The following PLA2G2C variants were observed in gnomAD, a reference collection of about 807,000 sequenced individuals.
The protein encoded by PLA2G2C is putative inactive group IIC secretory phospholipase A2.
In PLA2G2C, 15 loss-of-function variants were observed where a neutral mutation model predicts 14.3. The observed-to-expected ratio is 1.05, with a 90% CI of 0.70 to 1.62. The LOEUF (loss-of-function observed/expected upper bound fraction) is 1.62. Among genes scored for constraint, PLA2G2C ranks in the 40% most tolerant of loss-of-function variants. The probability of loss-of-function intolerance (pLI) is 0.00; values close to 1 mark genes in which losing one functional copy is unlikely to be tolerated. For synonymous variants in PLA2G2C, 79 were observed against 67.7 expected (o/e 1.17, Z -0.82); for missense variants, 162 against 173.2 (o/e 0.94, Z 0.36).
chr1:20,168,843 T>C (rs1449031559), intron 4 of PLA2G2C, among the ~76,000 whole-genome samples: 2 of 152,198 alleles, frequency 1.3e-5, no homozygotes, highest in Non-Finnish European at 2.9e-5. Context: ...AGTACTTATG[T>C]AAGCCCACTC....
intron 1 of PLA2G2C, among the ~76,000 whole-genome samples, chr1:20,182,159 G>A (rs954105631): frequency 1.3e-5 from 2 of 152,140 alleles, no homozygotes; most frequent in Admixed American, 6.5e-5. Flanking sequence ...CCAACAATAC[G>A]GGGAAAATAA....
At chr1:20,165,745 T>G (rs150322929) in intron 4 of PLA2G2C, among the ~76,000 whole-genome samples, 1 of 151,960 alleles carries the variant, frequency 6.6e-6, no homozygotes. Context: ...TGTGCAGGTA[T>G]GTGTCCATGT....
chr1:20,165,681 TGTGTGCATGC>T lies in PLA2G2C; in HGVS notation c.284-1534_284-1525del, dbSNP rs1379350286. On this transcript the variant is annotated intron_variant, in intron 4 of 4. Transcript: ENST00000679259. The stretch of plus-strand genomic sequence containing the variant: ...GTGTGCATGCACATGTGTGTGCATG[TGTGTGCATGC>T]GCGTGTGTGCATGCGTGTGCCTGTG... Among the ~76,000 whole-genome samples the T allele has an allele frequency of 3.3e-5, 5 of 151,982 alleles. No individual in the cohort carries two copies. The East Asian group carries it at 5.9e-4, about 18-fold the overall frequency.
At position 20,172,786 on chromosome 1, in the gene PLA2G2C, C is replaced by T. The variant is rs759068209; in HGVS notation, c.283+8G>A. ...AAAAGACATTTCCATACAGAAAAGG[C>T]TACTCACAAACCACTGCGCCATTGA... On this transcript the variant is annotated splice_region_variant and intron_variant, in intron 4 of 4. Transcript: ENST00000679259. 3.7e-6 allele frequency: 6 copies of T among 1,609,244 alleles called. No homozygotes were observed. The highest frequency in any genetic ancestry group is 1.1e-5 in the South Asian group (1 of 90,578).
In PLA2G2C at chr1:20,175,030, C is replaced by T. The variant is rs1350653137; in HGVS notation, c.156G>A (p.Gly52=). Residue 52 remains glycine (G), a synonymous_variant, in exon 3 of 5, where the codon GGG becomes GGA. Coordinates refer to ENST00000679259, the MANE Select transcript of PLA2G2C (RefSeq NM_001367969.2). ...ACCTGTCAGTGTCATCCACGGGGAT[C>T]CCTTTATCCCCAAGCCCACAGTAGC... ...YGCYCGLGDK[G]IPVDDTDRHS... is the part of the protein sequence containing the mutation. The T allele has an allele frequency of 2.5e-6, 4 of 1,613,610 alleles. No homozygotes were observed. Among genetic ancestry groups the T allele is most frequent in the Non-Finnish European group, 3.4e-6 (4 of 1,179,774 alleles).
chr1:20,185,349 G>A (rs1010423766), intron 1 of PLA2G2C, among the ~76,000 whole-genome samples: 1 of 152,176 alleles, frequency 6.6e-6, no homozygotes, highest in Non-Finnish European at 1.5e-5. Flanking sequence ...GTAGGACTCG[G>A]GCAGGGAGGA....
At chr1:20,185,063 G>T (rs965034735) in intron 1 of PLA2G2C, among the ~76,000 whole-genome samples, 16 of 152,134 alleles carry the variant, frequency 1.1e-4, no homozygotes, top group African/African-American at 2.9e-4. Flanking sequence ...CTGAGCTGGG[G>T]AGGTCCAGGC....
At chr1:20,172,547 T>C (rs771893896) in intron 4 of PLA2G2C, among the ~76,000 whole-genome samples, 5 of 152,188 alleles carry the variant, frequency 3.3e-5, no homozygotes, top group African/African-American at 4.8e-5. Flanking sequence ...TTACTGAGCA[T>C]GTACTATCTG....
At chr1:20,175,276 G>C in intron 2 of PLA2G2C, 131 bp from the exon 3 acceptor site, 1 of 1,334,236 alleles carries the variant, frequency 7.5e-7, no homozygotes, top group Non-Finnish European at 1.0e-6. Context: ...AAGTGCAAGG[G>C]GCATGGCTGG....
At chr1:20,170,026 G>C (rs1453462760) in intron 4 of PLA2G2C, among the ~76,000 whole-genome samples, 1 of 152,224 alleles carries the variant, frequency 6.6e-6, no homozygotes, top group African/African-American at 2.4e-5. Flanking sequence ...CCCGGGGTTT[G>C]AATTCCAACT....
At chr1:20,176,954 T>C (rs961570627) in intron 2 of PLA2G2C, among the ~76,000 whole-genome samples, 4 of 152,220 alleles carry the variant, frequency 2.6e-5, no homozygotes, top group Non-Finnish European at 5.9e-5. Flanking sequence ...TAATCATTCT[T>C]AAATTAGCTG....
At chr1:20,170,350 C>T (rs1049096070) in intron 4 of PLA2G2C, among the ~76,000 whole-genome samples, 11 of 152,248 alleles carry the variant, frequency 7.2e-5, no homozygotes, top group Non-Finnish European at 1.6e-4. Context: ...GGGTCTCAGT[C>T]TCTTCATTGC....
intron 2 of PLA2G2C, among the ~76,000 whole-genome samples, chr1:20,175,910 C>CTTTT (rs1245322352): frequency 7.1e-6 from 1 of 139,902 alleles, no homozygotes; most frequent in Non-Finnish European, 1.6e-5. Flanking sequence ...CCCTTTCCTT[C>CTTTT]TTTTTTTTTT....
chr1:20,177,660 T>C (rs992359640), intron 1 of PLA2G2C, among the ~76,000 whole-genome samples: 5 of 152,260 alleles, frequency 3.3e-5, no homozygotes, highest in Non-Finnish European at 7.4e-5. Context: ...TTTTTTTTTT[T>C]CCAAATTTCT....
intron 3 of PLA2G2C, 149 bp from the exon 4 acceptor site, chr1:20,173,046 T>A: frequency 1.7e-6 from 1 of 601,920 alleles, no homozygotes; most frequent in Non-Finnish European, 2.9e-6. Context: ...TGGTGGCTCA[T>A]GCCTGCAATC....
At chr1:20,170,198 T>C (rs953700545) in intron 4 of PLA2G2C, among the ~76,000 whole-genome samples, 2 of 152,240 alleles carry the variant, frequency 1.3e-5, no homozygotes, top group African/African-American at 4.8e-5. Context: ...ACTATAGCTG[T>C]TGTTATTGTA....
At chr1:20,177,226 G>A in intron 2 of PLA2G2C, 98 bp downstream of exon 2, 2 of 697,926 alleles carry the variant, frequency 2.9e-6, no homozygotes, top group Non-Finnish European at 5.2e-6. Flanking sequence ...CGGGACTTGT[G>A]ACTTCCCTCA....
rs1181572619 is a variant in PLA2G2C at position 20,175,004 on chromosome 1, C to T, written c.179+3G>A. 1.9e-6 allele frequency: 3 copies of T among 1,612,372 alleles called. No homozygotes were observed. The highest frequency in any genetic ancestry group is 2.5e-6 in the Non-Finnish European group (3 of 1,179,210). On this transcript the variant is annotated splice_donor_region_variant and intron_variant, in intron 3 of 4. Transcript: ENST00000679259. ...TAAGTGGCCTTAGAGCCTCTGCACC[C>T]ACCTGTCAGTGTCATCCACGGGGAT...
At chr1:20,185,142 A>AAAAAGGAAG (rs1439088280) in intron 1 of PLA2G2C, among the ~76,000 whole-genome samples, 1 of 152,128 alleles carries the variant, frequency 6.6e-6, no homozygotes, top group Non-Finnish European at 1.5e-5. Flanking sequence ...TCTCCCCTTA[A>AAAAAGGAAG]AAAAGGAAGA....
Sources: gnomAD v4.1 joint callset for allele counts (sites outside exome capture counted in the v4.1 genomes callset) on GRCh38, gnomAD v4.1.1 for gene constraint, MANE v1.5 for transcripts, NCBI Gene and HGNC (gene_info 2026-07-23, HGNC 2026-07-21) for gene names.